The following AP1S3 variants were observed in gnomAD, a reference collection of about 807,000 sequenced individuals.
The protein encoded by AP1S3 is adaptor related protein complex 1 subunit sigma 3, also known as AP-1 complex subunit sigma-3.
In AP1S3, 10 loss-of-function variants were observed where a neutral mutation model predicts 20.9. The ratio of observed to expected loss-of-function variants is 0.48; its 90% CI spans 0.29 to 0.81. The LOEUF (loss-of-function observed/expected upper bound fraction) is 0.81, where lower values mean the gene tolerates loss of function less well. AP1S3 is among the 30% of genes least tolerant of loss of function. The pLI, the probability that AP1S3 is intolerant of heterozygous loss-of-function variation, is 0.08. For missense variants in AP1S3, 154 were observed against 183.8 expected (o/e 0.84, Z 0.94); for synonymous variants, 41 against 61.5 (o/e 0.67, Z 1.56).
chr2:223,757,837 T>C lies in AP1S3; in HGVS notation c.*878A>G, dbSNP rs1386195908. The C allele has an allele frequency of 3.0e-6, 3 of 985,180 alleles. No homozygotes were observed. The highest frequency in any genetic ancestry group is 2.4e-6 in the Non-Finnish European group (2 of 829,806). 61.0% of individuals were successfully genotyped at this position (985,180 alleles called of 1,614,324 possible). A position where few individuals can be genotyped will look rare whatever the true frequency, so the allele number is the denominator to read the frequency against. ...AATGCATTAGAGATACATTAAAACATATTTGAAATGAAATTTCCAGCATCT... is the reference window on the plus strand; with the variant it reads ...AATGCATTAGAGATACATTAAAACACATTTGAAATGAAATTTCCAGCATCT... On this transcript the variant is annotated 3_prime_UTR_variant, in exon 5 of 5. Transcript: ENST00000396654.
chr2:223,769,136 T>C (rs1460551917), intron 3 of AP1S3, among the ~76,000 whole-genome samples: 1 of 152,224 alleles, frequency 6.6e-6, no homozygotes, highest in African/African-American at 2.4e-5. Context: ...AGTTCCTTTA[T>C]GGATATGGGC....
intron 1 of AP1S3, among the ~76,000 whole-genome samples, chr2:223,818,742 C>CG (rs1279731510): frequency 6.6e-6 from 1 of 151,982 alleles, no homozygotes; most frequent in Non-Finnish European, 1.5e-5. Context: ...TTAGTAGAGA[C>CG]GGGGTCTCAC....
chr2:223,815,059 C>T (rs887278764), intron 1 of AP1S3, among the ~76,000 whole-genome samples: 2 of 152,190 alleles, frequency 1.3e-5, no homozygotes, highest in Admixed American at 6.5e-5. Flanking sequence ...TAGGCATGAG[C>T]CAGTGCACCT....
chr2:223,813,873 A>C lies in AP1S3; in HGVS notation c.3+23575T>G, dbSNP rs545310629. 2.0e-5 allele frequency among the ~76,000 whole-genome samples: 3 copies of C among 152,316 alleles called. No homozygotes were observed. The East Asian group carries it at 5.8e-4, about 29-fold the overall frequency. ...ACAGAGAAACCCCAATGAGGCCAAA[A>C]GACAGAGACGTCCTTTATACATCAA... is the stretch of plus-strand genomic sequence containing the variant. On this transcript the variant is annotated intron_variant, in intron 1 of 4. Coordinates refer to ENST00000396654, the MANE Select transcript of AP1S3 (RefSeq NM_001039569.2).
At chr2:223,777,580 C>T (rs1574695369) in intron 2 of AP1S3, 111 bp downstream of exon 2, 1 of 962,970 alleles carries the variant, frequency 1.0e-6, no homozygotes, top group Non-Finnish European at 1.5e-6. Context: ...TGGGCCCCAG[C>T]CTTCAAAGAT....
intron 4 of AP1S3, among the ~76,000 whole-genome samples, chr2:223,763,916 C>T (rs997350623): frequency 6.6e-6 from 1 of 151,984 alleles, no homozygotes; most frequent in Admixed American, 6.6e-5. Context: ...GCCAGTTTTA[C>T]TTATTTATTT....
Position 223,773,803 on chromosome 2 carries a change from G to A in AP1S3, c.291+2098C>T, listed in dbSNP as rs143741191. Among the ~76,000 whole-genome samples the A allele has an allele frequency of 5.9e-5, 9 of 152,266 alleles. No homozygotes were observed. The East Asian group carries it at 1.7e-3, about 29-fold the overall frequency. On this transcript the variant is annotated intron_variant, in intron 3 of 4. Transcript: ENST00000396654. ...CTTAACAAAAACTTCAGTGAGTAAG[G>A]GAATAGGGAAGAGGGTATTATGAGA...
intron 1 of AP1S3, among the ~76,000 whole-genome samples, chr2:223,820,763 T>C (rs562732663): frequency 4.0e-5 from 6 of 151,606 alleles, no homozygotes; most frequent in Admixed American, 1.3e-4. Context: ...TCCTCCACCA[T>C]ATGACTCCAC....
chr2:223,758,191 T>C lies in AP1S3; in HGVS notation c.*524A>G. ...ACATTAAAATCAGACATTTTGTATG[T>C]GAATTGCAGTTACAGTACTATTAAG... On this transcript the variant is annotated 3_prime_UTR_variant, in exon 5 of 5. Coordinates refer to ENST00000396654, the MANE Select transcript of AP1S3 (RefSeq NM_001039569.2). 1 of 980,876 alleles carries C rather than the reference T, an allele frequency of 1.0e-6. No individual in the cohort carries two copies. Among genetic ancestry groups the C allele is most frequent in the Non-Finnish European group, 1.2e-6 (1 of 825,402 alleles). The allele number at this position is 980,876 out of a possible 1,614,324, so 60.8% of individuals were successfully genotyped here.
Position 223,756,855 on chromosome 2 carries a change from T to C in AP1S3, c.*1860A>G, listed in dbSNP as rs1371704931. ...AAGAATCCAACAGGAAACACACTCTTCTAGGAAATCACTGGAGGTCCCAAA... is the reference window on the plus strand; with the variant it reads ...AAGAATCCAACAGGAAACACACTCTCCTAGGAAATCACTGGAGGTCCCAAA... On this transcript the variant is annotated 3_prime_UTR_variant, in exon 5 of 5. Transcript: ENST00000396654. The C allele has an allele frequency of 7.4e-5, 73 of 985,270 alleles. No individual in the cohort carries two copies. The highest frequency in any genetic ancestry group is 8.2e-5 in the Non-Finnish European group (68 of 829,938). The allele number at this position is 985,270 out of a possible 1,614,324, so 61.0% of individuals were successfully genotyped here.
At chr2:223,804,653 C>T (rs902518976) in intron 1 of AP1S3, among the ~76,000 whole-genome samples, 3 of 150,564 alleles carry the variant, frequency 2.0e-5, no homozygotes, top group East Asian at 1.9e-4. Context: ...GTTATGGTGG[C>T]GTGGAGGTTG....
At chr2:223,778,381 C>T (rs2106091339) in intron 1 of AP1S3, among the ~76,000 whole-genome samples, 1 of 152,274 alleles carries the variant, frequency 6.6e-6, no homozygotes, top group Non-Finnish European at 1.5e-5. Flanking sequence ...CCACCTCAGC[C>T]TCCCAAAGTG....
intron 1 of AP1S3, among the ~76,000 whole-genome samples, chr2:223,804,516 T>C (rs940772797): frequency 7.9e-5 from 12 of 152,236 alleles, no homozygotes; most frequent in African/African-American, 2.9e-4. Flanking sequence ...CTGGGCAATA[T>C]AGTGAGACTC....
At position 223,757,782 on chromosome 2, in the gene AP1S3, G is replaced by C; in HGVS notation, c.*933C>G. ...CATATAGGCTGTGATAATCTTAAAT[G>C]CTCTAAGTAAGCCATGTAATAAGTC... On this transcript the variant is annotated 3_prime_UTR_variant, in exon 5 of 5. Coordinates refer to ENST00000396654, the MANE Select transcript of AP1S3 (RefSeq NM_001039569.2). The C allele has an allele frequency of 1.0e-6, 1 of 985,354 alleles. No individual in the cohort carries two copies. The highest frequency in any genetic ancestry group is 1.2e-6 in the Non-Finnish European group (1 of 829,876). The allele number at this position is 985,354 out of a possible 1,614,324, so 61.0% of individuals were successfully genotyped here.
At chr2:223,780,343 AGAGAGAGAGAGAGAGTGT>A (rs1417317085) in intron 1 of AP1S3, among the ~76,000 whole-genome samples, 22 of 115,010 alleles carry the variant, frequency 1.9e-4, no homozygotes, top group East Asian at 1.4e-3. Context: ...AGAGAGAGAG[AGAGAGAGAGAGAGAGTGT>A]GTGTGTGTGT....
chr2:223,804,653 C>A (rs902518976), intron 1 of AP1S3, among the ~76,000 whole-genome samples: 3 of 150,564 alleles, frequency 2.0e-5, no homozygotes, highest in Admixed American at 1.3e-4. Flanking sequence ...GTTATGGTGG[C>A]GTGGAGGTTG....
chr2:223,800,761 C>T (rs564756190), intron 1 of AP1S3, among the ~76,000 whole-genome samples: 1 of 152,292 alleles, frequency 6.6e-6, no homozygotes, highest in Admixed American at 6.5e-5. Flanking sequence ...GAAGCTTTCC[C>T]TTTCAGGTCA....
chr2:223,765,485 C>G, intron 3 of AP1S3, 135 bp from the exon 4 acceptor site: 1 of 928,520 alleles, frequency 1.1e-6, no homozygotes, highest in South Asian at 1.9e-5. Flanking sequence ...ATTTTAAGGA[C>G]AGAAAAAAAG....
At chr2:223,819,165 G>A (rs1691926290) in intron 1 of AP1S3, among the ~76,000 whole-genome samples, 1 of 152,188 alleles carries the variant, frequency 6.6e-6, no homozygotes, top group South Asian at 2.1e-4. Context: ...GTAGTACAGT[G>A]AGTGCCAAAA....
Sources: allele counts gnomAD v4.1 joint callset (sites outside exome capture counted in the v4.1 genomes callset), GRCh38; gene constraint gnomAD v4.1.1; transcripts MANE v1.5; gene names NCBI Gene and HGNC (gene_info 2026-07-23, HGNC 2026-07-21).